Variants in XPR1 observed in about 807,000 individuals in gnomAD.
XPR1 encodes the protein xenotropic and polytropic retrovirus receptor 1.
Under a neutral mutation model 87.5 loss-of-function variants are expected in XPR1, and 28 were observed. The ratio of observed to expected loss-of-function variants is 0.32; its 90% CI spans 0.24 to 0.44. The LOEUF is 0.44. Among genes scored for constraint, XPR1 ranks in the 20% least tolerant of loss-of-function variants. The pLI, the probability that XPR1 is intolerant of heterozygous loss-of-function variation, is 1.00. For synonymous variants in XPR1, 300 were observed against 306.1 expected (o/e 0.98, Z 0.21); for missense variants, 559 against 862.3 (o/e 0.65, Z 4.41).
chr1:180,837,561 A>G (rs1194114206), intron 11 of XPR1, among the ~76,000 whole-genome samples: 3 of 152,194 alleles, frequency 2.0e-5, no homozygotes, highest in African/African-American at 4.8e-5. Flanking sequence ...AACGGTCATA[A>G]AAGATCAGAA....
At chr1:180,876,117 C>T (rs1444265204) in intron 13 of XPR1, among the ~76,000 whole-genome samples, 1 of 152,028 alleles carries the variant, frequency 6.6e-6, no homozygotes, top group Non-Finnish European at 1.5e-5. Context: ...ATACAAAACT[C>T]TTCCAGAAAA....
At chr1:180,719,806 C>A (rs1473311492) in intron 2 of XPR1, among the ~76,000 whole-genome samples, 1 of 152,074 alleles carries the variant, frequency 6.6e-6, no homozygotes, top group Non-Finnish European at 1.5e-5. Context: ...AAATAATAAT[C>A]CTACCTTACA....
chr1:180,672,209 ATTTAG>A (rs1267128568), intron 1 of XPR1, among the ~76,000 whole-genome samples: 1 of 152,188 alleles, frequency 6.6e-6, no homozygotes, highest in Non-Finnish European at 1.5e-5. Flanking sequence ...TTTAATATAC[ATTTAG>A]TTTAATCAGT....
At chr1:180,749,593 C>T (rs1647436599) in intron 2 of XPR1, among the ~76,000 whole-genome samples, 1 of 148,296 alleles carries the variant, frequency 6.7e-6, no homozygotes, top group African/African-American at 2.5e-5. Context: ...AAATTATGTG[C>T]TGTACATCCT....
At chr1:180,825,093 A>G in intron 8 of XPR1, 72 bp from the exon 9 acceptor site, 3 of 1,522,206 alleles carry the variant, frequency 2.0e-6, no homozygotes, top group Non-Finnish European at 2.6e-6. Flanking sequence ...TTTATTAAAG[A>G]TATTTTAAGT....
intron 2 of XPR1, among the ~76,000 whole-genome samples, chr1:180,743,943 G>A (rs1659001483): frequency 6.6e-6 from 1 of 152,118 alleles, no homozygotes; most frequent in Admixed American, 6.5e-5. Flanking sequence ...GATCCATCTG[G>A]CCTTGGACTT....
intron 2 of XPR1, among the ~76,000 whole-genome samples, chr1:180,775,305 C>T (rs1053699715): frequency 6.6e-6 from 1 of 152,016 alleles, no homozygotes; most frequent in East Asian, 1.9e-4. Flanking sequence ...CAGTCAGGGC[C>T]GAGCACCATG....
chr1:180,811,202 A>T (rs927059159), intron 6 of XPR1, among the ~76,000 whole-genome samples: 37 of 151,112 alleles, frequency 2.4e-4, no homozygotes, highest in Middle Eastern at 3.4e-3. Context: ...AGATTTCTAT[A>T]AAAAAAAGCT....
intron 14 of XPR1, 62 bp downstream of exon 14, chr1:180,880,359 G>C: frequency 2.5e-6 from 4 of 1,572,540 alleles, no homozygotes; most frequent in Non-Finnish European, 3.5e-6. Context: ...TGGGTAGCAT[G>C]TAAGCTAAAA....
intron 1 of XPR1, among the ~76,000 whole-genome samples, chr1:180,664,282 A>C (rs1270361639): frequency 6.6e-6 from 1 of 152,138 alleles, no homozygotes; most frequent in Non-Finnish European, 1.5e-5. Context: ...GTCTCACCCA[A>C]GGCCCATGGT....
chr1:180,818,497 A>C (rs1650495301), intron 7 of XPR1, among the ~76,000 whole-genome samples: 1 of 152,126 alleles, frequency 6.6e-6, no homozygotes, highest in Admixed American at 6.5e-5. Flanking sequence ...TGCTGAGAAA[A>C]ACCAATTTAT....
Position 180,834,951 on chromosome 1 carries a change from A to G in XPR1, c.1212A>G (p.Ser404=), listed in dbSNP as rs770575544. ...FWLADQLNSL[S]VILMDLEYMI... ...TGGCGGATCAGCTGAACAGCCTGTC[A>G]GTGATACTGATGGACCTGGAATATA... Residue 404 remains serine (S), a synonymous_variant, in exon 10 of 15, where the codon TCA becomes TCG. Transcript: ENST00000367590. The G allele has an allele frequency of 2.5e-6, 4 of 1,613,966 alleles. No individual in the cohort carries two copies. The highest frequency in any genetic ancestry group is 1.7e-5 in the Admixed American group (1 of 59,980).
At chr1:180,638,792 A>G (rs1341761634) in intron 1 of XPR1, among the ~76,000 whole-genome samples, 1 of 152,222 alleles carries the variant, frequency 6.6e-6, no homozygotes, top group Non-Finnish European at 1.5e-5. Context: ...ACATGGATAT[A>G]AATTTGTATT....
At chr1:180,883,126 C>CTTTTT (rs10690260) in intron 14 of XPR1, among the ~76,000 whole-genome samples, 11 of 87,194 alleles carry the variant, frequency 1.3e-4, no homozygotes, top group East Asian at 6.1e-4. Context: ...TCATACCTGG[C>CTTTTT]TTTTTTTTTT....
chr1:180,642,432 A>G (rs1471134478), intron 1 of XPR1, among the ~76,000 whole-genome samples: 1 of 152,092 alleles, frequency 6.6e-6, no homozygotes, highest in Non-Finnish European at 1.5e-5. Context: ...TTTTTAAAAA[A>G]ATAATAAAAC....
intron 2 of XPR1, among the ~76,000 whole-genome samples, chr1:180,767,867 C>T (rs992435672): frequency 2.0e-4 from 30 of 150,110 alleles, no homozygotes; most frequent in African/African-American, 6.9e-4. Flanking sequence ...TTTTTTGAGA[C>T]GGAGTCTTGC....
At chr1:180,738,856 A>G (rs1658821787) in intron 2 of XPR1, among the ~76,000 whole-genome samples, 1 of 152,160 alleles carries the variant, frequency 6.6e-6, no homozygotes, top group South Asian at 2.1e-4. Context: ...TTCTTTTAAC[A>G]GTGGCCTTCA....
intron 11 of XPR1, among the ~76,000 whole-genome samples, chr1:180,850,279 G>T (rs1651823628): frequency 2.0e-5 from 3 of 152,178 alleles, no homozygotes; most frequent in South Asian, 4.1e-4. Flanking sequence ...ATGTTTTACT[G>T]GTGTAGAATA....
chr1:180,692,869 A>G (rs1657035999), intron 2 of XPR1, among the ~76,000 whole-genome samples: 1 of 152,198 alleles, frequency 6.6e-6, no homozygotes, highest in Non-Finnish European at 1.5e-5. Flanking sequence ...GAAGCAATGA[A>G]GAAATGTTAT....
Sources: allele counts gnomAD v4.1 joint callset (sites outside exome capture counted in the v4.1 genomes callset), GRCh38; gene constraint gnomAD v4.1.1; transcripts MANE v1.5; gene names NCBI Gene and HGNC (gene_info 2026-07-23, HGNC 2026-07-21).